Variants in CSMD1 observed in about 807,000 individuals in gnomAD.
The protein encoded by CSMD1 is CUB and Sushi multiple domains 1.
A neutral mutation model predicts 417.5 loss-of-function variants in CSMD1; 213 were observed. That is an observed-to-expected ratio of 0.51 (90% CI 0.46 to 0.57). The LOEUF is 0.57. Ranked by LOEUF, CSMD1 falls within the 20% of genes least tolerant of loss-of-function variation. The pLI, the probability that CSMD1 is intolerant of heterozygous loss-of-function variation, is 0.00. For missense variants in CSMD1, 6,923 were observed against 4,529.7 expected, an observed-to-expected ratio of 1.53 and a Z score of -15.17; for synonymous variants, 2,862 against 1,736.8, an observed-to-expected ratio of 1.65 and a Z score of -16.11.
chr8:4,771,518 G>C (rs1416395631), intron 1 of CSMD1, among the ~76,000 whole-genome samples: 6 of 152,184 alleles, frequency 3.9e-5, no homozygotes, highest in Non-Finnish European at 5.9e-5. Flanking sequence ...GATTCATTTA[G>C]AAGTTATTAG....
At chr8:4,020,694 C>T (rs1796745947) in intron 4 of CSMD1, among the ~76,000 whole-genome samples, 2 of 152,236 alleles carry the variant, frequency 1.3e-5, no homozygotes, top group Non-Finnish European at 2.9e-5. Context: ...ATTTTACTCC[C>T]TCAGCGAATC....
intron 1 of CSMD1, among the ~76,000 whole-genome samples, chr8:4,900,894 G>A (rs565345784): frequency 2.1e-4 from 32 of 152,288 alleles, no homozygotes; most frequent in Non-Finnish European, 4.1e-4. Flanking sequence ...CGTAAGGGCA[G>A]GTGCACCACT....
intron 50 of CSMD1, among the ~76,000 whole-genome samples, chr8:3,049,002 C>T (rs1452938547): frequency 6.6e-6 from 1 of 151,948 alleles, no homozygotes; most frequent in East Asian, 1.9e-4. Context: ...CATGCATCAT[C>T]AGAGTATTGC....
chr8:3,189,720 G>C (rs1268242795), intron 34 of CSMD1, among the ~76,000 whole-genome samples, 192 bp downstream of exon 34: 6 of 151,876 alleles, frequency 4.0e-5, no homozygotes, highest in Non-Finnish European at 5.9e-5. Context: ...TTGTTAAGAT[G>C]ATGAGTTGTT....
chr8:3,308,218 C>G, intron 24 of CSMD1, 94 bp downstream of exon 24: 1 of 934,806 alleles, frequency 1.1e-6, no homozygotes, highest in Non-Finnish European at 1.6e-6. Flanking sequence ...TGATAAAATT[C>G]CTCCTCTTTT....
chr8:3,526,788 T>C (rs1230862836), intron 10 of CSMD1, among the ~76,000 whole-genome samples: 1 of 152,210 alleles, frequency 6.6e-6, no homozygotes, highest in East Asian at 1.9e-4. Context: ...TCCTAGTATT[T>C]GCAGCAGACG....
chr8:3,836,366 G>A (rs970159466), intron 5 of CSMD1, among the ~76,000 whole-genome samples: 2 of 152,066 alleles, frequency 1.3e-5, no homozygotes, highest in Non-Finnish European at 2.9e-5. Flanking sequence ...ATATCCTTGT[G>A]GGAATCCCAA....
At chr8:4,950,985 AAAAC>A (rs35979897) in intron 1 of CSMD1, among the ~76,000 whole-genome samples, 83,959 of 150,870 alleles carry the variant, frequency 0.56, 23,320 homozygotes, top group Admixed American at 0.58. Flanking sequence ...AACAAAAACA[AAAAC>A]AAACAAACAA....
At chr8:4,162,246 A>G (rs1303003452) in intron 3 of CSMD1, among the ~76,000 whole-genome samples, 1 of 152,252 alleles carries the variant, frequency 6.6e-6, no homozygotes, top group Admixed American at 6.5e-5. Context: ...TCTAAGAAAC[A>G]TTCTGCAATA....
intron 1 of CSMD1, among the ~76,000 whole-genome samples, chr8:4,725,270 G>C (rs1236945075): frequency 6.6e-6 from 1 of 152,150 alleles, no homozygotes; most frequent in Non-Finnish European, 1.5e-5. Flanking sequence ...ATTGGTACAT[G>C]AATGACCAAG....
intron 7 of CSMD1, among the ~76,000 whole-genome samples, chr8:3,626,403 T>A (rs1563210958): frequency 6.6e-6 from 1 of 152,202 alleles, no homozygotes; most frequent in Non-Finnish European, 1.5e-5. Flanking sequence ...CCAGTTTATA[T>A]TACTTTGCAT....
At chr8:3,198,223 TTTATAATCTTTATCAAAAACCAAGGAAAG>T (rs1796804875) in intron 33 of CSMD1, among the ~76,000 whole-genome samples, 1 of 152,174 alleles carries the variant, frequency 6.6e-6, no homozygotes, top group African/African-American at 2.4e-5. Flanking sequence ...TGGGATAGAT[TTTATAATCTTTATCAAAAACCAAGGAAAG>T]CCCCTTATAA....
intron 26 of CSMD1, among the ~76,000 whole-genome samples, chr8:3,231,022 T>C (rs111820575): frequency 1.3e-5 from 2 of 152,118 alleles, no homozygotes; most frequent in African/African-American, 4.8e-5. Flanking sequence ...GAGCCTAAAA[T>C]CACCTCCCAT....
chr8:4,817,449 G>C (rs921821716), intron 1 of CSMD1, among the ~76,000 whole-genome samples: 2 of 152,240 alleles, frequency 1.3e-5, no homozygotes, highest in Non-Finnish European at 2.9e-5. Context: ...GTAGGAGCAA[G>C]ACGCACCTTC....
intron 36 of CSMD1, among the ~76,000 whole-genome samples, chr8:3,187,617 C>A (rs1796140317): frequency 6.6e-6 from 1 of 152,126 alleles, no homozygotes; most frequent in Admixed American, 6.6e-5. Context: ...AGCCTGAGAC[C>A]TGCCGCATGT....
At chr8:3,802,079 G>C (rs530610037) in intron 5 of CSMD1, among the ~76,000 whole-genome samples, 13 of 151,978 alleles carry the variant, frequency 8.6e-5, no homozygotes, top group African/African-American at 2.7e-4. Context: ...ATAAACTTAA[G>C]GATATGTAAA....
intron 1 of CSMD1, among the ~76,000 whole-genome samples, chr8:4,845,909 G>A (rs114490565): frequency 6.6e-6 from 1 of 151,854 alleles, no homozygotes; most frequent in African/African-American, 2.4e-5. Flanking sequence ...AAATGACAAG[G>A]TTACGCTAGC....
intron 1 of CSMD1, among the ~76,000 whole-genome samples, chr8:4,968,000 T>C (rs757934328): frequency 2.6e-5 from 4 of 152,146 alleles, no homozygotes; most frequent in African/African-American, 9.7e-5. Context: ...GAGATTCAAA[T>C]TGGCATCATT....
intron 23 of CSMD1, among the ~76,000 whole-genome samples, chr8:3,316,626 A>C (rs550136780): frequency 4.6e-5 from 7 of 152,274 alleles, no homozygotes; most frequent in African/African-American, 1.7e-4. Flanking sequence ...ATCGCATGGC[A>C]GTTGGGAACA....
Sources: allele counts gnomAD v4.1 joint callset (sites outside exome capture counted in the v4.1 genomes callset), GRCh38; gene constraint gnomAD v4.1.1; transcripts MANE v1.5; gene names NCBI Gene and HGNC (gene_info 2026-07-23, HGNC 2026-07-21).